PCGF3: variants seen among roughly 807,000 people sequenced by gnomAD.
PCGF3 encodes the protein polycomb group ring finger 3.
Under a neutral mutation model 33.1 loss-of-function variants are expected in PCGF3, and 7 were observed. The ratio of observed to expected loss-of-function variants is 0.21; its 90% CI spans 0.12 to 0.40. PCGF3 has a LOEUF of 0.40. Among genes scored for constraint, PCGF3 ranks in the 10% least tolerant of loss-of-function variants. The pLI is 1.00. For missense variants in PCGF3, 211 were observed against 313.3 expected (o/e 0.67, Z 2.46); for synonymous variants, 153 against 121.3 (o/e 1.26, Z -1.72).
At chr4:764,750 A>T (rs1157287716) in intron 9 of PCGF3, 4 of 480,272 alleles carry the variant, frequency 8.3e-6, no homozygotes, top group Non-Finnish European at 1.5e-5. Context: ...CTGCCCTGTA[A>T]TATCTTATAT....
chr4:708,991 T>G (rs998439530), intron 1 of PCGF3, among the ~76,000 whole-genome samples: 1 of 152,144 alleles, frequency 6.6e-6, no homozygotes. Context: ...CAAAAACTTG[T>G]GGGTGTTTTC....
chr4:740,480 C>T (rs1404433656), intron 6 of PCGF3, among the ~76,000 whole-genome samples: 2 of 152,078 alleles, frequency 1.3e-5, no homozygotes, highest in Non-Finnish European at 2.9e-5. Flanking sequence ...ACTCGGTGGG[C>T]GTGTCATGGT....
chr4:734,578 T>C, intron 4 of PCGF3: 1 of 1,163,904 alleles, frequency 8.6e-7, no homozygotes, highest in Non-Finnish European at 1.1e-6. Context: ...TAGAAGATAC[T>C]GTCATCTTTT....
At chr4:708,640 G>T (rs147952979) in intron 1 of PCGF3, among the ~76,000 whole-genome samples, 2 of 152,188 alleles carry the variant, frequency 1.3e-5, no homozygotes, top group East Asian at 3.9e-4. Flanking sequence ...CCCCTCGTCC[G>T]GGGCTGCTGT....
intron 8 of PCGF3, among the ~76,000 whole-genome samples, chr4:755,356 C>G (rs548250402): frequency 1.3e-5 from 2 of 152,230 alleles, no homozygotes; most frequent in African/African-American, 4.8e-5. Context: ...TCGCACGTCT[C>G]TGGGCTCCTC....
intron 10 of PCGF3, 101 bp from the exon 11 acceptor site, chr4:765,931 T>C: frequency 2.0e-6 from 2 of 1,012,482 alleles, no homozygotes. Context: ...ATGTGGACTG[T>C]GCCTCACGGG....
chr4:761,817 G>T, intron 9 of PCGF3: 6 of 985,452 alleles, frequency 6.1e-6, no homozygotes, highest in Non-Finnish European at 6.0e-6. Flanking sequence ...AGGCGGCCTT[G>T]GCAGCGGGCG....
rs1034606152 is a variant in PCGF3, at chr4:720,268, G to A, written c.-189-10362G>A. Among the ~76,000 whole-genome samples, 10 of 152,228 alleles carry A rather than the reference G, an allele frequency of 6.6e-5. No individual in the cohort carries two copies. Among genetic ancestry groups the A allele is most frequent in the African/African-American group, 2.2e-4 (9 of 41,556 alleles). ...ACCGCGGGAGGAGCGCCCGTGCATC[G>A]CTGCAGAGGGTGACTGCGGGAGGAG... On this transcript the variant is annotated intron_variant, in intron 1 of 10. Transcript: ENST00000362003. The surrounding 1 kb of genome is among the most constrained non-coding windows in gnomAD (Gnocchi z 5.6).
chr4:724,591 C>G (rs1471235627), intron 1 of PCGF3, among the ~76,000 whole-genome samples: 1 of 152,198 alleles, frequency 6.6e-6, no homozygotes, highest in Non-Finnish European at 1.5e-5. Context: ...CTTTGGGAGG[C>G]CTAGGTGGGC....
intron 1 of PCGF3, among the ~76,000 whole-genome samples, chr4:710,078 G>T (rs1359283349): frequency 6.6e-6 from 1 of 152,194 alleles, no homozygotes; most frequent in Non-Finnish European, 1.5e-5. Context: ...CTGAGTGGTT[G>T]TATTATTTAT....
chr4:706,819 G>C (rs555300275), intron 1 of PCGF3, among the ~76,000 whole-genome samples: 2 of 122,108 alleles, frequency 1.6e-5, no homozygotes, highest in African/African-American at 3.2e-5. Context: ...AGGCAGGACC[G>C]CGGGAGGGCA....
At chr4:712,383 T>C (rs1386751463) in intron 1 of PCGF3, among the ~76,000 whole-genome samples, 2 of 152,180 alleles carry the variant, frequency 1.3e-5, no homozygotes, top group African/African-American at 4.8e-5. Context: ...CCTATTGTTA[T>C]ATTGACTTGC....
At chr4:755,204 A>G (rs1744716219) in intron 8 of PCGF3, among the ~76,000 whole-genome samples, 1 of 152,142 alleles carries the variant, frequency 6.6e-6, no homozygotes, top group Non-Finnish European at 1.5e-5. Flanking sequence ...TTAATTTCCC[A>G]TCTAATACTG....
chr4:732,387 C>G (rs1034855665), intron 3 of PCGF3: 3 of 157,840 alleles, frequency 1.9e-5, no homozygotes, highest in African/African-American at 4.8e-5. Context: ...CCTCCCTCTC[C>G]CTTCCTGGGC....
At chr4:741,587 T>C (rs1402790076) in intron 6 of PCGF3, among the ~76,000 whole-genome samples, 3 of 152,224 alleles carry the variant, frequency 2.0e-5, no homozygotes, top group African/African-American at 7.2e-5. Flanking sequence ...TTTGTATTTT[T>C]AGTAGAGACG....
intron 1 of PCGF3, among the ~76,000 whole-genome samples, chr4:712,726 G>A (rs1319242699): frequency 1.3e-5 from 2 of 152,232 alleles, no homozygotes; most frequent in South Asian, 2.1e-4. Context: ...GATTACAGGC[G>A]TGAGCCACCG....
intron 9 of PCGF3, chr4:764,753 T>C (rs986585233): frequency 4.4e-5 from 22 of 495,108 alleles, no homozygotes; most frequent in Non-Finnish European, 6.1e-5. Context: ...CCCTGTAATA[T>C]CTTATATGTT....
At chr4:727,232 T>TC (rs1345905762) in intron 1 of PCGF3, among the ~76,000 whole-genome samples, 1 of 129,192 alleles carries the variant, frequency 7.7e-6, no homozygotes, top group Non-Finnish European at 1.7e-5. Flanking sequence ...TTAGCGAGCG[T>TC]CTTTTTTTTT....
At chr4:715,387 T>G (rs1742772963) in intron 1 of PCGF3, among the ~76,000 whole-genome samples, 1 of 142,292 alleles carries the variant, frequency 7.0e-6, no homozygotes. Context: ...GAACCGGGCA[T>G]CGGTGCTGGG....
Sources: gnomAD v4.1 joint callset for allele counts (sites outside exome capture counted in the v4.1 genomes callset) on GRCh38, gnomAD v4.1.1 for gene constraint, Gnocchi (gnomAD v3.1) non-coding constraint, MANE v1.5 for transcripts, NCBI Gene and HGNC (gene_info 2026-07-23, HGNC 2026-07-21) for gene names.